The following KDM4B variants were observed in gnomAD, a reference collection of about 807,000 sequenced individuals.
KDM4B encodes the protein lysine demethylase 4B.
In KDM4B, 32 loss-of-function variants were observed where a neutral mutation model predicts 125.2. The observed-to-expected ratio is 0.26, with a 90% CI of 0.19 to 0.34. The LOEUF (loss-of-function observed/expected upper bound fraction) is 0.34. KDM4B is among the 10% of genes least tolerant of loss of function. The probability of loss-of-function intolerance (pLI) is 1.00; values close to 1 mark genes in which losing one functional copy is unlikely to be tolerated. For synonymous variants in KDM4B, 721 were observed against 677.9 expected (o/e 1.06, Z -0.99); for missense variants, 1,190 against 1,577.7 (o/e 0.75, Z 4.16).
At chr19:4,993,039 T>A (rs1295419218) in intron 1 of KDM4B, among the ~76,000 whole-genome samples, 1 of 152,246 alleles carries the variant, frequency 6.6e-6, no homozygotes, top group Non-Finnish European at 1.5e-5. Flanking sequence ...GAATATGTTC[T>A]ATAGATTCTT....
chr19:4,977,049 T>TTG (rs757601236), intron 1 of KDM4B, among the ~76,000 whole-genome samples: 7 of 151,468 alleles, frequency 4.6e-5, no homozygotes, highest in African/African-American at 1.7e-4. Flanking sequence ...GTTTTTTTTT[T>TTG]ATTTTTGCTT....
At chr19:5,076,774 G>T (rs1232119984) in intron 7 of KDM4B, 1 of 154,760 alleles carries the variant, frequency 6.5e-6, no homozygotes, top group Non-Finnish European at 1.4e-5. Flanking sequence ...CTCGTTGACC[G>T]AGTGACGAGA....
chr19:5,004,559 A>G (rs2145449366), intron 1 of KDM4B, among the ~76,000 whole-genome samples: 1 of 152,326 alleles, frequency 6.6e-6, no homozygotes, highest in East Asian at 1.9e-4. Flanking sequence ...GTCTAGACAC[A>G]GCCAGTCCCT....
intron 3 of KDM4B, among the ~76,000 whole-genome samples, chr19:5,034,690 G>A (rs1568243423): frequency 6.6e-6 from 1 of 152,192 alleles, no homozygotes; most frequent in Non-Finnish European, 1.5e-5. Flanking sequence ...GGTTTTGGTG[G>A]ATTTTGTCAG....
chr19:5,097,136 A>G (rs2038843922), intron 9 of KDM4B, among the ~76,000 whole-genome samples: 1 of 152,190 alleles, frequency 6.6e-6, no homozygotes, highest in African/African-American at 2.4e-5. Context: ...AAGGAGGTGA[A>G]TGGTAACCAA....
intron 7 of KDM4B, among the ~76,000 whole-genome samples, chr19:5,072,863 A>G (rs1159857759): frequency 1.3e-5 from 2 of 152,174 alleles, no homozygotes; most frequent in Non-Finnish European, 2.9e-5. Flanking sequence ...TCCAGTGTCT[A>G]GAGGCCGCCC....
chr19:5,002,725 A>T (rs919611072), intron 1 of KDM4B, among the ~76,000 whole-genome samples: 4 of 151,874 alleles, frequency 2.6e-5, no homozygotes, highest in African/African-American at 9.7e-5. Context: ...CTGTGGGAGG[A>T]TCACTTGAGC....
chr19:5,061,739 C>G (rs1053095898), intron 6 of KDM4B, among the ~76,000 whole-genome samples: 1 of 151,664 alleles, frequency 6.6e-6, no homozygotes, highest in Non-Finnish European at 1.5e-5. Flanking sequence ...GTAGGGCGCA[C>G]ACCTGTCATC....
At chr19:5,077,320 C>T (rs191197139) in intron 7 of KDM4B, 47 bp from the exon 8 acceptor site, 23 of 1,546,594 alleles carry the variant, frequency 1.5e-5, no homozygotes, top group African/African-American at 4.1e-5. Context: ...TCGCTGACCC[C>T]GGCCGGCTGT....
intron 1 of KDM4B, among the ~76,000 whole-genome samples, chr19:4,980,499 C>T (rs1161087386): frequency 1.3e-5 from 2 of 149,086 alleles, no homozygotes; most frequent in African/African-American, 5.0e-5. Context: ...TCTCAGCTCA[C>T]CTCAACCTCC....
intron 1 of KDM4B, among the ~76,000 whole-genome samples, chr19:4,995,996 C>T (rs753803269): frequency 9.2e-5 from 14 of 152,068 alleles, no homozygotes; most frequent in Non-Finnish European, 2.1e-4. Context: ...TTCTCTCTCT[C>T]TTTCTTTCTT....
intron 10 of KDM4B, among the ~76,000 whole-genome samples, chr19:5,118,480 G>C (rs2039298675): frequency 6.6e-6 from 1 of 152,160 alleles, no homozygotes; most frequent in South Asian, 2.1e-4. Flanking sequence ...CAGCTGCAGG[G>C]GGTGGGCCTG....
chr19:5,083,767 C>T (rs758850999), intron 9 of KDM4B, among the ~76,000 whole-genome samples: 6 of 152,156 alleles, frequency 3.9e-5, no homozygotes, highest in Non-Finnish European at 5.9e-5. Flanking sequence ...GGACGGGCAG[C>T]GGGCTGGCCA....
intron 11 of KDM4B, 63 bp from the exon 12 acceptor site, chr19:5,131,013 G>T (rs903156810): frequency 1.9e-5 from 24 of 1,232,468 alleles, no homozygotes; most frequent in Non-Finnish European, 2.5e-5. Context: ...GATTTCTGGG[G>T]AGCGTGGGAC....
intron 9 of KDM4B, among the ~76,000 whole-genome samples, chr19:5,109,108 T>C (rs1330565730): frequency 6.6e-6 from 1 of 152,228 alleles, no homozygotes; most frequent in Admixed American, 6.5e-5. Flanking sequence ...TCATCCGTGA[T>C]GCTTTAGAGG....
chr19:5,030,771 A>G (rs902765793), intron 2 of KDM4B, among the ~76,000 whole-genome samples: 2 of 152,348 alleles, frequency 1.3e-5, no homozygotes, highest in South Asian at 2.1e-4. Context: ...AGCTCAGTCG[A>G]CCATGTCATC....
intron 18 of KDM4B, among the ~76,000 whole-genome samples, chr19:5,139,186 A>G (rs1246439007): frequency 6.6e-6 from 1 of 152,138 alleles, no homozygotes; most frequent in East Asian, 1.9e-4. Context: ...CCTCCTGGGT[A>G]GCTGGGATTA....
rs546260114 is a variant in KDM4B at position 5,115,362 on chromosome 19, C to T, written c.1116-4291C>T. On this transcript the variant is annotated intron_variant, in intron 10 of 22. Coordinates refer to ENST00000159111, the MANE Select transcript of KDM4B (RefSeq NM_015015.3). This position sits in a 1 kb window ranked among gnomAD's most constrained non-coding sequence, Gnocchi z 4.2. ...CCTTCCTGGGGTCAGCAGTGGGGCC[C>T]AGCTGCCAGCCTCACATCCCCCCAA... Among the ~76,000 whole-genome samples, 2 of 152,216 alleles carry T rather than the reference C, an allele frequency of 1.3e-5. No individual in the cohort carries two copies. The highest frequency in any genetic ancestry group is 4.8e-5 in the African/African-American group (2 of 41,520).
intron 1 of KDM4B, among the ~76,000 whole-genome samples, chr19:5,013,524 G>A (rs1468478233): frequency 6.6e-6 from 1 of 152,208 alleles, no homozygotes; most frequent in African/African-American, 2.4e-5. Context: ...GATGTGGGCA[G>A]GGCTGTTCCT....
Sources: gnomAD v4.1 joint callset for allele counts (sites outside exome capture counted in the v4.1 genomes callset) on GRCh38, gnomAD v4.1.1 for gene constraint, Gnocchi (gnomAD v3.1) non-coding constraint, MANE v1.5 for transcripts, NCBI Gene and HGNC (gene_info 2026-07-23, HGNC 2026-07-21) for gene names.